Variants in NBAS observed in about 807,000 individuals in gnomAD.
NBAS encodes NBAS subunit of NRZ tethering complex, also known as NAG/BC035112 fusion.
NBAS carries 219 observed loss-of-function variants against 302.5 expected under a neutral mutation model. The ratio of observed to expected loss-of-function variants is 0.72; its 90% CI spans 0.65 to 0.81. NBAS has a LOEUF of 0.81. NBAS is among the 30% of genes least tolerant of loss of function. The pLI is 0.00. For synonymous variants in NBAS, 1,118 were observed against 1,021.6 expected (o/e 1.09, Z -1.80); for missense variants, 2,932 against 2,841.6 (o/e 1.03, Z -0.72).
intron 24 of NBAS, among the ~76,000 whole-genome samples, chr2:15,416,611 G>A (rs1676945860): frequency 6.6e-6 from 1 of 151,876 alleles, no homozygotes; most frequent in African/African-American, 2.4e-5. Context: ...CAAGACCAGT[G>A]CCTGGCCAAC....
At chr2:15,302,675 G>A (rs771754429) in intron 40 of NBAS, among the ~76,000 whole-genome samples, 3 of 152,194 alleles carry the variant, frequency 2.0e-5, no homozygotes, top group Non-Finnish European at 4.4e-5. Flanking sequence ...TTAATATTAA[G>A]TATCAACTTG....
chr2:15,074,395 A>AG, the NBAS span, among the ~76,000 whole-genome samples: 4 of 128,556 alleles, frequency 3.1e-5, no homozygotes, highest in South Asian at 3.0e-4. Context: ...GGATGGAAGG[A>AG]GGGGGGGAGG....
At chr2:15,098,599 A>T in the NBAS span, among the ~76,000 whole-genome samples, 1 of 128,968 alleles carries the variant, frequency 7.8e-6, no homozygotes, top group Non-Finnish European at 1.6e-5. Flanking sequence ...TATATATATT[A>T]TATATTGTAT....
At chr2:15,063,003 G>A in the NBAS span, among the ~76,000 whole-genome samples, 2 of 152,168 alleles carry the variant, frequency 1.3e-5, no homozygotes, top group African/African-American at 2.4e-5. Flanking sequence ...GCTATGGCTT[G>A]TTGGGGATTC....
intron 47 of NBAS, among the ~76,000 whole-genome samples, chr2:15,226,099 T>G (rs1667140595): frequency 6.6e-6 from 1 of 152,212 alleles, no homozygotes; most frequent in Non-Finnish European, 1.5e-5. Flanking sequence ...TACTTTCCTG[T>G]GCTGGCTCTT....
chr2:15,475,272 A>G (rs1170348559), intron 14 of NBAS, among the ~76,000 whole-genome samples: 2 of 152,240 alleles, frequency 1.3e-5, no homozygotes, highest in African/African-American at 4.8e-5. Context: ...ATAACTTTAC[A>G]GAACTAGCCT....
intron 21 of NBAS, among the ~76,000 whole-genome samples, chr2:15,442,397 T>G (rs1205204281): frequency 2.0e-5 from 3 of 151,246 alleles, no homozygotes; most frequent in Non-Finnish European, 4.4e-5. Context: ...TGCTCCTGAA[T>G]GACTACTGGG....
At chr2:15,256,453 C>T (rs1461944907) in intron 44 of NBAS, among the ~76,000 whole-genome samples, 4 of 152,100 alleles carry the variant, frequency 2.6e-5, no homozygotes, top group African/African-American at 4.8e-5. Context: ...TTGGATGAGT[C>T]GTTAGGGTTT....
the NBAS span, among the ~76,000 whole-genome samples, chr2:15,085,980 G>A: frequency 2.0e-5 from 3 of 152,124 alleles, no homozygotes; most frequent in Non-Finnish European, 2.9e-5. Flanking sequence ...GGAGGCAGGA[G>A]GCAGATGGCT....
chr2:14,817,392 C>T, the NBAS span, among the ~76,000 whole-genome samples: 1 of 152,150 alleles, frequency 6.6e-6, no homozygotes, highest in Non-Finnish European at 1.5e-5. Context: ...CTTCATTGCA[C>T]ATACTCACTG....
the NBAS span, among the ~76,000 whole-genome samples, chr2:14,924,431 G>T: frequency 6.6e-6 from 1 of 152,184 alleles, no homozygotes; most frequent in African/African-American, 2.4e-5. Flanking sequence ...GCCACCACAG[G>T]CCTGCCTGCT....
chr2:15,537,136 C>A (rs554532500), intron 7 of NBAS, among the ~76,000 whole-genome samples: 159 of 152,310 alleles, frequency 1.0e-3, no homozygotes, highest in African/African-American at 3.8e-3. Context: ...AATATGCCGA[C>A]CCAAAATATG....
chr2:15,081,445 A>G, the NBAS span, among the ~76,000 whole-genome samples: 12 of 152,288 alleles, frequency 7.9e-5, no homozygotes, highest in Non-Finnish European at 1.5e-4. Flanking sequence ...TACCATACTT[A>G]TACATTTACT....
At chr2:14,978,183 T>G in the NBAS span, among the ~76,000 whole-genome samples, 1 of 152,200 alleles carries the variant, frequency 6.6e-6, no homozygotes, top group East Asian at 1.9e-4. Flanking sequence ...AGTGATCATC[T>G]CCTCTGTGCA....
chr2:15,485,955 T>C (rs1394525779), intron 12 of NBAS, among the ~76,000 whole-genome samples: 1 of 152,174 alleles, frequency 6.6e-6, no homozygotes, highest in Non-Finnish European at 1.5e-5. Flanking sequence ...TGTTCCCTAC[T>C]TGGGACCAAA....
At chr2:15,509,450 A>G (rs1662036886) in intron 10 of NBAS, among the ~76,000 whole-genome samples, 1 of 152,216 alleles carries the variant, frequency 6.6e-6, no homozygotes, top group Non-Finnish European at 1.5e-5. Flanking sequence ...CTACACATAC[A>G]AACTGGTTTA....
At chr2:15,190,489 T>G in intron 48 of NBAS, 86 bp from the exon 49 acceptor site, 1 of 1,465,226 alleles carries the variant, frequency 6.8e-7, no homozygotes. Flanking sequence ...TTAATTAAAC[T>G]TTTTTTTAAA....
the NBAS span, among the ~76,000 whole-genome samples, chr2:15,118,399 G>C: frequency 1.3e-5 from 2 of 152,138 alleles, no homozygotes; most frequent in Non-Finnish European, 1.5e-5. Flanking sequence ...GGTGGTGGTT[G>C]GTATCCAAAA....
At chr2:15,173,136 G>A (rs1405952236) in intron 51 of NBAS, among the ~76,000 whole-genome samples, 3 of 152,222 alleles carry the variant, frequency 2.0e-5, no homozygotes, top group Non-Finnish European at 4.4e-5. Flanking sequence ...ATCTCTGTCA[G>A]AGATTGTTTT....
Sources: gnomAD v4.1 joint callset for allele counts (sites outside exome capture counted in the v4.1 genomes callset) on GRCh38, gnomAD v4.1.1 for gene constraint, MANE v1.5 for transcripts, NCBI Gene and HGNC (gene_info 2026-07-23, HGNC 2026-07-21) for gene names.